Variants in NEK10 observed in about 807,000 individuals in gnomAD.
NEK10 encodes the protein serine/threonine-protein kinase Nek10.
A neutral mutation model predicts 159.8 loss-of-function variants in NEK10; 122 were observed. The observed-to-expected ratio is 0.76, with a 90% CI of 0.66 to 0.89. The LOEUF (loss-of-function observed/expected upper bound fraction) is 0.89. NEK10 is among the 40% of genes least tolerant of loss of function. The probability of loss-of-function intolerance (pLI) is 0.00; values close to 1 mark genes in which losing one functional copy is unlikely to be tolerated. For synonymous variants in NEK10, 466 were observed against 457.1 expected (o/e 1.02, Z -0.25); for missense variants, 1,342 against 1,323.1 (o/e 1.01, Z -0.22).
rs1193422247 is a variant in NEK10 at position 27,156,955 on chromosome 3, T to C, written c.2869+5746A>G. Among the ~76,000 whole-genome samples, 2 of 122,264 alleles carry C rather than the reference T, an allele frequency of 1.6e-5. 1 individual carries two copies. Among genetic ancestry groups the C allele is most frequent in the African/African-American group, 5.8e-5 (2 of 34,472 alleles). 80.2% of individuals were successfully genotyped at this position (122,264 alleles called of 152,430 possible). A position where few individuals can be genotyped will look rare whatever the true frequency, so the allele number is the denominator to read the frequency against. On this transcript the variant is annotated intron_variant, in intron 30 of 35. Coordinates refer to ENST00000691995, the MANE Select transcript of NEK10 (RefSeq NM_001394966.1). ...ATATATATATATATATATATATATA[T>C]ATATATATATATATATATATATATG...
chr3:27,222,193 T>C (rs973868156), intron 23 of NEK10, among the ~76,000 whole-genome samples: 8 of 151,996 alleles, frequency 5.3e-5, no homozygotes. Flanking sequence ...ACCAATATGG[T>C]GAAACCCCGT....
intron 23 of NEK10, among the ~76,000 whole-genome samples, chr3:27,246,279 G>A (rs1223822874): frequency 1.3e-5 from 2 of 152,096 alleles, no homozygotes; most frequent in Non-Finnish European, 2.9e-5. Flanking sequence ...TAGGTAAACT[G>A]CATGTCATGG....
At chr3:27,184,964 T>TA (rs563671169) in intron 26 of NEK10, among the ~76,000 whole-genome samples, 89 of 152,202 alleles carry the variant, frequency 5.8e-4, no homozygotes, top group African/African-American at 2.0e-3. Context: ...TAATTTGCAT[T>TA]AAAAAAATGA....
chr3:27,199,378 A>C (rs1949845488), intron 25 of NEK10, among the ~76,000 whole-genome samples: 1 of 152,220 alleles, frequency 6.6e-6, no homozygotes, highest in Non-Finnish European at 1.5e-5. Flanking sequence ...ACTGATCATT[A>C]CATAAATGCA....
intron 32 of NEK10, among the ~76,000 whole-genome samples, chr3:27,130,988 G>T (rs961438289): frequency 4.6e-5 from 7 of 152,076 alleles, no homozygotes; most frequent in Non-Finnish European, 1.0e-4. Context: ...CCAGTGATGT[G>T]AAACAACAAA....
chr3:27,248,103 T>C (rs1045903580), intron 23 of NEK10, among the ~76,000 whole-genome samples: 2 of 152,098 alleles, frequency 1.3e-5, no homozygotes, highest in South Asian at 4.1e-4. Context: ...TCTTGGTAGG[T>C]TGTATGTGTC....
chr3:27,194,588 G>A (rs1949407887), intron 25 of NEK10: 1 of 151,568 alleles, frequency 6.6e-6, no homozygotes, highest in Non-Finnish European at 1.5e-5. Context: ...GAAAGAATTA[G>A]AAGGATACCT....
intron 5 of NEK10, among the ~76,000 whole-genome samples, chr3:27,327,110 A>T (rs1417463921): frequency 6.6e-6 from 1 of 152,172 alleles, no homozygotes; most frequent in East Asian, 1.9e-4. Context: ...TCTGGCCCAC[A>T]GCTACACAAT....
At chr3:27,183,874 C>T (rs1457635597) in intron 26 of NEK10, among the ~76,000 whole-genome samples, 1 of 151,994 alleles carries the variant, frequency 6.6e-6, no homozygotes, top group Non-Finnish European at 1.5e-5. Context: ...AAAATGCAAA[C>T]TAAAACCAGA....
chr3:27,346,732 GGT>G (rs1265976944), intron 3 of NEK10, among the ~76,000 whole-genome samples: 1 of 152,054 alleles, frequency 6.6e-6, no homozygotes, highest in Non-Finnish European at 1.5e-5. Context: ...ATATTTACCA[GGT>G]GTACACACTA....
chr3:27,275,492 C>A (rs148793609), intron 22 of NEK10, among the ~76,000 whole-genome samples: 129 of 152,312 alleles, frequency 8.5e-4, no homozygotes, highest in African/African-American at 3.0e-3. Context: ...GTATTTAACA[C>A]AAGTGGCTCA....
chr3:27,206,151 G>A (rs936564751), intron 23 of NEK10, among the ~76,000 whole-genome samples: 1 of 152,166 alleles, frequency 6.6e-6, no homozygotes, highest in Non-Finnish European at 1.5e-5. Flanking sequence ...TTCAGTATAA[G>A]AATTTTAGAG....
chr3:27,203,618 C>T (rs750321758), intron 23 of NEK10, among the ~76,000 whole-genome samples: 2 of 152,090 alleles, frequency 1.3e-5, no homozygotes, highest in Non-Finnish European at 2.9e-5. Flanking sequence ...AATTCAGTTC[C>T]ATAATAAGTA....
intron 22 of NEK10, among the ~76,000 whole-genome samples, chr3:27,270,727 C>T (rs1010094914): frequency 1.3e-5 from 2 of 152,040 alleles, no homozygotes; most frequent in African/African-American, 2.4e-5. Context: ...GTTGCCATCA[C>T]GAGTGTCCAT....
intron 9 of NEK10, 72 bp downstream of exon 9, chr3:27,310,877 G>A (rs1189265250): frequency 9.8e-6 from 9 of 914,416 alleles, no homozygotes; most frequent in Non-Finnish European, 1.4e-5. Flanking sequence ...TAACCGCAAA[G>A]GCTCTGAACT....
intron 8 of NEK10, chr3:27,311,366 G>C (rs2044684221): frequency 5.9e-6 from 1 of 168,844 alleles, no homozygotes; most frequent in African/African-American, 2.4e-5. Flanking sequence ...AAAGAAGAGA[G>C]GGAAGGCCAG....
intron 5 of NEK10, among the ~76,000 whole-genome samples, chr3:27,332,400 A>G (rs951916481): frequency 1.3e-5 from 2 of 152,176 alleles, no homozygotes; most frequent in African/African-American, 4.8e-5. Context: ...GGAAGGATTC[A>G]TTATTTTTTC....
At chr3:27,235,885 G>A (rs73157436) in intron 23 of NEK10, among the ~76,000 whole-genome samples, 3,891 of 152,048 alleles carry the variant, frequency 0.026, 166 homozygotes, top group African/African-American at 0.089. Flanking sequence ...CAACGTAAAT[G>A]CTCAAAAATG....
At chr3:27,285,418 T>G (rs1019529337) in intron 20 of NEK10, among the ~76,000 whole-genome samples, 10 of 152,086 alleles carry the variant, frequency 6.6e-5, no homozygotes, top group African/African-American at 2.2e-4. Context: ...GTCTGATAGA[T>G]TTACCTTACA....
Sources: gnomAD v4.1 joint callset for allele counts (sites outside exome capture counted in the v4.1 genomes callset) on GRCh38, gnomAD v4.1.1 for gene constraint, MANE v1.5 for transcripts, NCBI Gene and HGNC (gene_info 2026-07-23, HGNC 2026-07-21) for gene names.